The following VAV1 variants were observed in gnomAD, a reference collection of about 807,000 sequenced individuals.
VAV1 encodes proto-oncogene vav.
In VAV1, 33 loss-of-function variants were observed where a neutral mutation model predicts 128.1. The ratio of observed to expected loss-of-function variants is 0.26; its 90% confidence interval spans 0.20 to 0.34. The LOEUF is 0.34. Among genes scored for constraint, VAV1 ranks in the 10% least tolerant of loss-of-function variants. VAV1 has a pLI of 1.00. For synonymous variants in VAV1, 394 were observed against 409.8 expected (o/e 0.96, Z 0.47); for missense variants, 715 against 1,093.7 (o/e 0.65, Z 4.88).
At chr19:6,852,893 G>A (rs1477187220) in intron 24 of VAV1, 72 bp from the exon 25 acceptor site, 2 of 1,271,962 alleles carry the variant, frequency 1.6e-6, no homozygotes, top group Non-Finnish European at 2.3e-6. Flanking sequence ...AGTTGCATAT[G>A]GCTGTTCCTA....
intron 24 of VAV1, among the ~76,000 whole-genome samples, chr19:6,851,312 A>G (rs1358913792): frequency 6.6e-6 from 1 of 151,972 alleles, no homozygotes; most frequent in Non-Finnish European, 1.5e-5. Flanking sequence ...AGCTGGTACT[A>G]TAGGCATGCA....
chr19:6,774,974 C>G (rs1411763680), intron 1 of VAV1, among the ~76,000 whole-genome samples: 4 of 150,194 alleles, frequency 2.7e-5, no homozygotes, highest in African/African-American at 9.8e-5. Context: ...CCATGTTGAC[C>G]AAGCTGGCCT....
chr19:6,827,273 G>A (rs896748816), intron 9 of VAV1, among the ~76,000 whole-genome samples: 2 of 151,538 alleles, frequency 1.3e-5, no homozygotes, highest in African/African-American at 4.9e-5. Context: ...GTTTTGTTTT[G>A]TTTTGTTTTT....
At chr19:6,802,954 T>C (rs1397074640) in intron 1 of VAV1, among the ~76,000 whole-genome samples, 2 of 152,214 alleles carry the variant, frequency 1.3e-5, no homozygotes, top group Non-Finnish European at 2.9e-5. Flanking sequence ...TGAACATTTA[T>C]GTCCACACAA....
intron 1 of VAV1, among the ~76,000 whole-genome samples, chr19:6,817,024 A>G (rs1278814480): frequency 6.6e-6 from 1 of 151,850 alleles, no homozygotes; most frequent in Non-Finnish European, 1.5e-5. Context: ...ATGCCTAACC[A>G]TGTGTAGTAG....
chr19:6,811,331 C>A (rs757959034), intron 1 of VAV1, among the ~76,000 whole-genome samples: 1 of 152,220 alleles, frequency 6.6e-6, no homozygotes, highest in African/African-American at 2.4e-5. Flanking sequence ...CCTCCACACC[C>A]AGCCTCATTT....
chr19:6,852,724 GAAAA>G (rs1021955099), intron 24 of VAV1, among the ~76,000 whole-genome samples: 1 of 141,818 alleles, frequency 7.1e-6, no homozygotes. Flanking sequence ...CCGTCTCAAA[GAAAA>G]AAAAAAAAGA....
chr19:6,809,758 G>A (rs970401902), intron 1 of VAV1, among the ~76,000 whole-genome samples: 5 of 152,154 alleles, frequency 3.3e-5, no homozygotes, highest in Non-Finnish European at 7.4e-5. Flanking sequence ...GGTGATCACT[G>A]CGGTGGCTGC....
chr19:6,784,371 A>T, intron 1 of VAV1: 1 of 417,402 alleles, frequency 2.4e-6, no homozygotes, highest in Non-Finnish European at 4.3e-6. Context: ...GGTGATAGCA[A>T]CTTCAGCAAA....
At chr19:6,796,111 C>T (rs188883736) in intron 1 of VAV1, among the ~76,000 whole-genome samples, 39 of 152,322 alleles carry the variant, frequency 2.6e-4, no homozygotes, top group Admixed American at 6.5e-4. Flanking sequence ...CTAATCACCT[C>T]TTAAAGGTCC....
chr19:6,773,001 A>G lies in VAV1; in HGVS notation c.194A>G (p.Gln65Arg). 1 of 1,613,954 alleles carries G rather than the reference A, an allele frequency of 6.2e-7. No homozygotes were observed. Among genetic ancestry groups the G allele is most frequent in the Non-Finnish European group, 8.5e-7 (1 of 1,179,912 alleles). Residue 65 changes from glutamine to arginine, a missense_variant, in exon 1 of 27, where the codon CAG becomes CGG. By Grantham distance (43) the Gln-to-Arg change is conservative (BLOSUM62 1). Coordinates refer to ENST00000602142, the MANE Select transcript of VAV1 (RefSeq NM_005428.4). Reference sequence around the variant, plus strand: ...CTGCGTGAGGTCAACCTGCGCCCCCAGATGTCCCAGGTGAGCCCTCCGCGG... The same window carrying G: ...CTGCGTGAGGTCAACCTGCGCCCCCGGATGTCCCAGGTGAGCCCTCCGCGG... Reference protein sequence around the residue: ...INLREVNLRPQMSQFLCLKNI... With the variant: ...INLREVNLRPRMSQFLCLKNI...
At chr19:6,773,127 T>G in intron 1 of VAV1, 116 bp downstream of exon 1, 1 of 1,368,224 alleles carries the variant, frequency 7.3e-7, no homozygotes, top group Non-Finnish European at 1.0e-6. Flanking sequence ...AGAGGGAATA[T>G]GCTTACAGGT....
chr19:6,856,979 A>G lies in VAV1; in HGVS notation c.2485-75A>G, dbSNP rs571727496. ...GTGCAAAGGCCCTGAGGTGGGAGGG[A>G]GCCTGCCTGGTGTGTGGAGGGGCAG... On this transcript the variant is annotated intron_variant, in intron 26 of 26. Coordinates refer to ENST00000602142, the MANE Select transcript of VAV1 (RefSeq NM_005428.4). 2.2e-5 allele frequency: 30 copies of G among 1,392,924 alleles called. No individual in the cohort carries two copies. In the East Asian group the frequency reaches 6.8e-4, roughly 32 times the overall value. 86.3% of individuals were successfully genotyped at this position (1,392,924 alleles called of 1,614,324 possible). A position where few individuals can be genotyped will look rare whatever the true frequency, so the allele number is the denominator to read the frequency against.
intron 6 of VAV1, among the ~76,000 whole-genome samples, chr19:6,824,730 C>G (rs1444401581): frequency 6.6e-6 from 1 of 152,010 alleles, no homozygotes; most frequent in African/African-American, 2.4e-5. Context: ...CGGGGTTTCA[C>G]CATCTTGGCC....
chr19:6,803,453 C>G (rs759434676), intron 1 of VAV1, among the ~76,000 whole-genome samples: 14 of 152,168 alleles, frequency 9.2e-5, no homozygotes, highest in Non-Finnish European at 1.6e-4. Flanking sequence ...TGCTCCAGCC[C>G]TGTTTTAGCT....
intron 23 of VAV1, 39 bp downstream of exon 23, chr19:6,848,153 T>A: frequency 6.6e-7 from 1 of 1,509,498 alleles, no homozygotes; most frequent in Middle Eastern, 1.8e-4. Flanking sequence ...TTTTGGGGCC[T>A]GGGCCCTGCG....
In VAV1 at chr19:6,820,382, G is replaced by T. The variant is rs2144767184; in HGVS notation, c.205-320G>T. Among the ~76,000 whole-genome samples, 1 of 152,186 alleles carries T rather than the reference G, an allele frequency of 6.6e-6. No individual in the cohort carries two copies. The highest frequency in any genetic ancestry group is 2.4e-5 in the African/African-American group (1 of 41,506). The stretch of plus-strand genomic sequence containing the variant: ...CCTGAGTAGTTCAAAATGTTTTTCA[G>T]GTCATCCACATTGTAGTATGAATCA... On this transcript the variant is annotated intron_variant, in intron 1 of 26. Coordinates refer to ENST00000602142, the MANE Select transcript of VAV1 (RefSeq NM_005428.4). This position sits in a 1 kb window ranked among gnomAD's most constrained non-coding sequence, Gnocchi z 4.4.
chr19:6,785,654 T>C (rs1267394329), intron 1 of VAV1, among the ~76,000 whole-genome samples: 9 of 134,604 alleles, frequency 6.7e-5, no homozygotes, highest in Non-Finnish European at 9.5e-5. Flanking sequence ...TCTTTCTTTC[T>C]TTCTTTCTTT....
chr19:6,838,592 G>C (rs1482008328), intron 21 of VAV1, among the ~76,000 whole-genome samples: 1 of 151,846 alleles, frequency 6.6e-6, no homozygotes, highest in Non-Finnish European at 1.5e-5. Context: ...TCTATCATCT[G>C]TCTATTACCT....
Sources: gnomAD v4.1 joint callset for allele counts (sites outside exome capture counted in the v4.1 genomes callset) on GRCh38, gnomAD v4.1.1 for gene constraint, Gnocchi (gnomAD v3.1) non-coding constraint, MANE v1.5 for transcripts, NCBI Gene and HGNC (gene_info 2026-07-23, HGNC 2026-07-21) for gene names.